The following CEP131 variants were observed in gnomAD, a reference collection of about 807,000 sequenced individuals.
CEP131 encodes centrosomal protein of 131 kDa.
Under a neutral mutation model 136.8 loss-of-function variants are expected in CEP131, and 99 were observed. The observed-to-expected ratio is 0.72, with a 90% confidence interval of 0.62 to 0.86. The LOEUF (loss-of-function observed/expected upper bound fraction) is 0.86, where lower values mean the gene tolerates loss of function less well. CEP131 is among the 40% of genes least tolerant of loss of function. CEP131 has a pLI of 0.00. For synonymous variants in CEP131, 646 were observed against 612.7 expected, an observed-to-expected ratio of 1.05 and a Z score of -0.80; for missense variants, 1,459 against 1,463.0, an observed-to-expected ratio of 1.00 and a Z score of 0.04.
At position 81,202,263 on chromosome 17, in the gene CEP131, C is replaced by CAG; in HGVS notation, c.764_765insCT (p.Glu255AspfsTer3). 1.2e-6 allele frequency: 2 copies of CAG among 1,610,750 alleles called. No individual in the cohort carries two copies. The highest frequency in any genetic ancestry group is 1.7e-6 in the Non-Finnish European group (2 of 1,178,578). The stretch of plus-strand genomic sequence containing the variant: ...ACCTCTCAGCCTCCTCCTCCGTCAC[C>CAG]TCCTTCCGCCTGGGCAAGCCCGTGC... On this transcript the variant is annotated frameshift_variant, in exon 7 of 26. Transcript: ENST00000450824. LOFTEE classifies it high-confidence loss of function.
intron 17 of CEP131, 36 bp from the exon 18 acceptor site, chr17:81,194,163 T>A (rs1230505805): frequency 6.8e-7 from 1 of 1,467,742 alleles, no homozygotes; most frequent in African/African-American, 1.4e-5. Flanking sequence ...CACGTCCAGC[T>A]AGGGTGGGCC....
At chr17:81,216,712 A>T (rs915743106) in intron 2 of CEP131, among the ~76,000 whole-genome samples, 1 of 152,220 alleles carries the variant, frequency 6.6e-6, no homozygotes, top group South Asian at 2.1e-4. Context: ...TCACTGCTCA[A>T]TGAGCCCCCT....
rs2061798229 is a variant in CEP131, at chr17:81,197,828, A to G, written c.1531T>C (p.Phe511Leu). 2 of 1,613,252 alleles carry G rather than the reference A, an allele frequency of 1.2e-6. No homozygotes were observed. Among genetic ancestry groups the G allele is most frequent in the Non-Finnish European group, 1.7e-6 (2 of 1,179,916 alleles). The change falls in exon 13 of 26, where the codon TTC (phenylalanine) becomes CTC (leucine). Residue 511 changes from phenylalanine (F) to leucine (L), a missense_variant. By Grantham distance (22) the Phe-to-Leu change is conservative. This residue lies in a region of CEP131 where 1,026 missense variants were observed against 964.2 expected (regional missense o/e 1.06). Coordinates refer to ENST00000450824, the MANE Select transcript of CEP131 (RefSeq NM_014984.4). ...NLEKFGKLSA[F>L]PEPPEDGTLL... Reference sequence around the variant, plus strand: ...GTCCCATCCTCAGGAGGTTCGGGGAACGCACTGAGTTTTCCAAATTTCTCC... The same window carrying G: ...GTCCCATCCTCAGGAGGTTCGGGGAGCGCACTGAGTTTTCCAAATTTCTCC...
In CEP131 at chr17:81,193,957, C is replaced by T. The variant is rs559018459; in HGVS notation, c.2290G>A (p.Gly764Ser). 1 of 1,540,856 alleles carries T rather than the reference C, an allele frequency of 6.5e-7. No homozygotes were observed. The highest frequency in any genetic ancestry group is 2.4e-5 in the East Asian group (1 of 41,358). Residue 764 changes from glycine (G) to serine (S), a missense_variant, in exon 18 of 26, where the codon GGC (glycine) becomes AGC (serine). By Grantham distance (56) the Gly-to-Ser change is moderately conservative (BLOSUM62 0). Transcript: ENST00000450824. ...CGAGCACGTTCGCGCTCCTGCTGGC[C>T]CAGCGCCTCCTTCTCCCGCTCCAGC... Reference protein sequence around the residue: ...EQLEREKEALGQQERERARQR... With the variant: ...EQLEREKEALSQQERERARQR...
chr17:81,199,696 A>G (rs780862565), intron 9 of CEP131, 23 bp downstream of exon 9: 1 of 1,605,124 alleles, frequency 6.2e-7, no homozygotes, highest in Admixed American at 1.7e-5. Flanking sequence ...GGTGCTGCTC[A>G]GTGGTCCCTG....
intron 2 of CEP131, among the ~76,000 whole-genome samples, chr17:81,214,143 C>T (rs564192659): frequency 1.3e-5 from 2 of 152,316 alleles, no homozygotes; most frequent in Admixed American, 6.5e-5. Context: ...TAATTGTACA[C>T]GTCCCATCAT....
Position 81,199,551 on chromosome 17 carries a change from T to G in CEP131, c.1024-2A>C. ...CAGGGCTCGTTTCTGTTGCAGCTCC[T>G]GCAGTGGGAGCATCGCTGAGCACTG... On this transcript the variant is annotated splice_acceptor_variant, in intron 9 of 25. Transcript: ENST00000450824. LOFTEE classifies it high-confidence loss of function. 6.2e-7 allele frequency: 1 copy of G among 1,604,182 alleles called. No homozygotes were observed.
intron 8 of CEP131, 88 bp downstream of exon 8, chr17:81,200,241 A>T (rs2061859921): frequency 9.5e-7 from 1 of 1,048,052 alleles, no homozygotes; most frequent in East Asian, 2.6e-5. Context: ...CTAGGCTTTG[A>T]TTCCACCTGT....
intron 2 of CEP131, among the ~76,000 whole-genome samples, chr17:81,216,548 A>C (rs2062250374): frequency 6.6e-6 from 1 of 152,122 alleles, no homozygotes; most frequent in South Asian, 2.1e-4. Context: ...AAAAGAAAAG[A>C]GAATGCAGGA....
chr17:81,220,868 A>G (rs2062371868), intron 1 of CEP131, among the ~76,000 whole-genome samples: 1 of 151,450 alleles, frequency 6.6e-6, no homozygotes, highest in African/African-American at 2.4e-5. Flanking sequence ...CACTCCTGTA[A>G]TCCCAGCACT....
intron 5 of CEP131, among the ~76,000 whole-genome samples, chr17:81,205,080 G>A (rs563382004): frequency 1.3e-4 from 19 of 152,000 alleles, no homozygotes; most frequent in Non-Finnish European, 2.4e-4. Flanking sequence ...CCAACATAGC[G>A]AAACCCCGTC....
At chr17:81,200,765 A>G (rs1012010749) in intron 7 of CEP131, among the ~76,000 whole-genome samples, 3 of 152,232 alleles carry the variant, frequency 2.0e-5, no homozygotes, top group Non-Finnish European at 4.4e-5. Flanking sequence ...TGACCTGGCT[A>G]CAGCGTGAAT....
chr17:81,198,047 C>A, intron 12 of CEP131, 68 bp downstream of exon 12: 6 of 1,488,792 alleles, frequency 4.0e-6, no homozygotes, highest in Non-Finnish European at 4.5e-6. Flanking sequence ...ACCCCCACAG[C>A]CACCGCATGC....
At chr17:81,191,553 G>A (rs560690102) in intron 21 of CEP131, among the ~76,000 whole-genome samples, 6 of 152,140 alleles carry the variant, frequency 3.9e-5, no homozygotes, top group Admixed American at 1.3e-4. Context: ...CACAGCCCAC[G>A]GTCCCCTCCC....
In CEP131 at chr17:81,214,024, T is replaced by G. The variant is rs542104864; in HGVS notation, c.178-5002A>C. Reference sequence around the variant, plus strand: ...GAGAAACTCACAGCCCAAACAAGCCTGAGACCCACAGCCCAAAAATCATGT... The same window carrying G: ...GAGAAACTCACAGCCCAAACAAGCCGGAGACCCACAGCCCAAAAATCATGT... On this transcript the variant is annotated intron_variant, in intron 2 of 25. Transcript: ENST00000450824. Among the ~76,000 whole-genome samples the G allele has an allele frequency of 1.6e-4, 25 of 152,264 alleles. 1 individual carries two copies. In the South Asian group the frequency reaches 5.2e-3, roughly 32 times the overall value.
Position 81,219,975 on chromosome 17 carries a change from G to C in CEP131, c.82C>G (p.Pro28Ala). ...VDLSLTGLPP[P>A]VSRRPGSAAT... ...GCACTGCCAGGACGCCGGGACACAG[G>C]CGGAGGGAGACCTGTCAGACTCAGG... Residue 28 changes from proline to alanine, a missense_variant, in exon 2 of 26, where the codon CCT becomes GCT. Around this residue, in one of 3 missense-constraint regions of CEP131, gnomAD observed 187 missense variants for 179.9 expected, o/e 1.04. Coordinates refer to ENST00000450824, the MANE Select transcript of CEP131 (RefSeq NM_014984.4). This position sits in a 1 kb window ranked among gnomAD's most constrained non-coding sequence, Gnocchi z 4.0. 6.2e-7 allele frequency: 1 copy of C among 1,612,236 alleles called. No individual in the cohort carries two copies. Among genetic ancestry groups the C allele is most frequent in the Non-Finnish European group, 8.5e-7 (1 of 1,179,362 alleles).
intron 11 of CEP131, 22 bp from the exon 12 acceptor site, chr17:81,198,319 G>T (rs112770207): frequency 1.1e-4 from 171 of 1,569,014 alleles, no homozygotes; most frequent in Non-Finnish European, 7.7e-5. Flanking sequence ...CAGGGAGACA[G>T]ATGCAGCAAG....
At chr17:81,213,446 C>T (rs775707688) in intron 2 of CEP131, among the ~76,000 whole-genome samples, 1 of 152,000 alleles carries the variant, frequency 6.6e-6, no homozygotes, top group Non-Finnish European at 1.5e-5. Context: ...GTAGTTCTAG[C>T]TACTCAGGAG....
In CEP131 at chr17:81,197,830, G is replaced by A. The variant is rs764178279; in HGVS notation, c.1529C>T (p.Ala510Val). 9 of 1,613,100 alleles carry A rather than the reference G, an allele frequency of 5.6e-6. No homozygotes were observed. The highest frequency in any genetic ancestry group is 4.0e-5 in the African/African-American group (3 of 74,934). Residue 510 changes from alanine to valine, a missense_variant, in exon 13 of 26, where the codon GCG becomes GTG. Ala to Val is a moderately conservative substitution (Grantham distance 64). Coordinates refer to ENST00000450824, the MANE Select transcript of CEP131 (RefSeq NM_014984.4). ...DNLEKFGKLSAFPEPPEDGTL... is the reference protein window; with the variant it reads ...DNLEKFGKLSVFPEPPEDGTL... The stretch of plus-strand genomic sequence containing the variant: ...CCCATCCTCAGGAGGTTCGGGGAAC[G>A]CACTGAGTTTTCCAAATTTCTCCAA...
Sources: gnomAD v4.1 joint callset for allele counts (sites outside exome capture counted in the v4.1 genomes callset) on GRCh38, gnomAD v4.1.1 for gene constraint, gnomAD v4.1.1 regional missense constraint, Gnocchi (gnomAD v3.1) non-coding constraint, MANE v1.5 for transcripts, NCBI Gene and HGNC (gene_info 2026-07-23, HGNC 2026-07-21) for gene names.